The following SCN9A variants were observed in gnomAD, a reference collection of about 807,000 sequenced individuals.
The protein encoded by SCN9A is sodium voltage-gated channel alpha subunit 9.
SCN9A carries 131 observed loss-of-function variants against 187.0 expected under a neutral mutation model. The ratio of observed to expected loss-of-function variants is 0.70; its 90% CI spans 0.61 to 0.81. SCN9A has a LOEUF of 0.81. SCN9A is among the 30% of genes least tolerant of loss of function. SCN9A has a pLI of 0.00. For missense variants in SCN9A, 2,252 were observed against 2,396.6 expected, an observed-to-expected ratio of 0.94 and a Z score of 1.26; for synonymous variants, 809 against 808.6, an observed-to-expected ratio of 1.00 and a Z score of -0.01.
chr2:166,311,118 G>T (rs1157089992), intron 2 of SCN9A, among the ~76,000 whole-genome samples: 1 of 66,676 alleles, frequency 1.5e-5, no homozygotes, highest in Non-Finnish European at 2.7e-5. Flanking sequence ...GAGGGGGGAG[G>T]GATAGCATTG....
At chr2:166,255,106 AAAAG>A (rs920156966) in intron 17 of SCN9A, among the ~76,000 whole-genome samples, 3 of 142,020 alleles carry the variant, frequency 2.1e-5, no homozygotes, top group African/African-American at 7.9e-5. Context: ...GAGAGAGAGA[AAAAG>A]AGAGAGAGGA....
chr2:166,201,438 T>G (rs866349864), intron 26 of SCN9A, among the ~76,000 whole-genome samples: 1 of 133,288 alleles, frequency 7.5e-6, no homozygotes, highest in South Asian at 2.3e-4. Context: ...CTATATATAG[T>G]ATAGAGTATG....
intron 14 of SCN9A, 136 bp from the exon 15 acceptor site, chr2:166,278,449 C>T (rs1697335671): frequency 1.4e-6 from 1 of 714,936 alleles, no homozygotes. Flanking sequence ...ATATTCTTAT[C>T]TAACTTAGTC....
At position 166,280,490 on chromosome 2, in the gene SCN9A, A is replaced by G. The variant is rs779986478; in HGVS notation, c.2210T>C (p.Ile737Thr). 4 of 1,586,720 alleles carry G rather than the reference A, an allele frequency of 2.5e-6. No homozygotes were observed. The highest frequency in any genetic ancestry group is 2.3e-5 in the South Asian group (2 of 87,402). ...SPYWIKFKKCIYFIVMDPFVD... is the reference protein window; with the variant it reads ...SPYWIKFKKCTYFIVMDPFVD... ...AAAAGGATCCATTACAATAAAATAG[A>G]TACACTTTTTGAATTTTATCCAATA... is the stretch of plus-strand genomic sequence containing the variant. The change falls in exon 14 of 27, where the codon ATC (isoleucine) becomes ACC (threonine). Residue 737 changes from isoleucine to threonine, a missense_variant. Around this residue, in one of 7 missense-constraint regions of SCN9A, gnomAD observed 1,013 missense variants for 997.4 expected, o/e 1.02. Coordinates refer to ENST00000642356, the MANE Select transcript of SCN9A (RefSeq NM_001365536.1).
At chr2:166,235,285 T>C (rs1428126030) in intron 20 of SCN9A, among the ~76,000 whole-genome samples, 3 of 152,032 alleles carry the variant, frequency 2.0e-5, no homozygotes, top group Admixed American at 6.5e-5. Context: ...ATTAAGACTA[T>C]GGTATAGTTT....
chr2:166,212,196 T>A (rs539957691), intron 24 of SCN9A, among the ~76,000 whole-genome samples: 9 of 152,302 alleles, frequency 5.9e-5, no homozygotes, highest in African/African-American at 2.2e-4. Flanking sequence ...GATGCTTAAG[T>A]CCCACAGTCA....
In SCN9A at chr2:166,203,914, C is replaced by T. The variant is rs748440339; in HGVS notation, c.4774+41G>A. The T allele has an allele frequency of 4.7e-6, 6 of 1,272,754 alleles. 2 individuals carry two copies. The Middle Eastern group carries it at 1.1e-3, about 223-fold the overall frequency. 78.8% of individuals were successfully genotyped at this position (1,272,754 alleles called of 1,614,324 possible). A position where few individuals can be genotyped will look rare whatever the true frequency, so the allele number is the denominator to read the frequency against. On this transcript the variant is annotated intron_variant, in intron 26 of 26. Transcript: ENST00000642356. Reference sequence around the variant, plus strand: ...TTCCTTGAGCATAAGTGAAGTTTAGCTTTACTCAAAAAATAAAATCTGAAA... The same window carrying T: ...TTCCTTGAGCATAAGTGAAGTTTAGTTTTACTCAAAAAATAAAATCTGAAA...
chr2:166,211,936 A>T (rs974490999), intron 24 of SCN9A, among the ~76,000 whole-genome samples: 10 of 152,244 alleles, frequency 6.6e-5, no homozygotes, highest in Non-Finnish European at 1.3e-4. Flanking sequence ...GATTATTTCA[A>T]ATACAAATGG....
intron 24 of SCN9A, among the ~76,000 whole-genome samples, chr2:166,213,670 T>C (rs1209581026): frequency 6.6e-6 from 1 of 152,130 alleles, no homozygotes; most frequent in Non-Finnish European, 1.5e-5. Flanking sequence ...TATTCTCATA[T>C]CAAAGCCAGA....
At chr2:166,359,759 A>T (rs1302034404) in intron 1 of SCN9A, among the ~76,000 whole-genome samples, 1 of 94,734 alleles carries the variant, frequency 1.1e-5, no homozygotes, top group East Asian at 2.3e-4. Flanking sequence ...TTATATTCAG[A>T]CAACTGATAG....
At chr2:166,261,419 A>G (rs902568357) in intron 17 of SCN9A, among the ~76,000 whole-genome samples, 2 of 151,888 alleles carry the variant, frequency 1.3e-5, no homozygotes, top group African/African-American at 4.8e-5. Context: ...GATAGTCATT[A>G]CTTCTGCTTC....
chr2:166,199,742 G>A lies in SCN9A; in HGVS notation c.4897C>T (p.Leu1633=). Residue 1633 remains leucine (L), a synonymous_variant, in exon 27 of 27, where the codon CTG becomes TTG. Transcript: ENST00000642356. ...LVKGAKGIRT[L]LFALMMSLPA... is the part of the protein sequence containing the mutation. ...AGGGACATCATCAAAGCAAAGAGCA[G>A]CGTGCGGATCCCCTTTGCTCCTTTG... The A allele has an allele frequency of 6.2e-7, 1 of 1,614,112 alleles. No homozygotes were observed.
intron 1 of SCN9A, among the ~76,000 whole-genome samples, chr2:166,367,177 TC>T (rs1158922928): frequency 3.2e-4 from 49 of 152,352 alleles, no homozygotes; most frequent in East Asian, 7.7e-4. Flanking sequence ...TTCATACTTC[TC>T]CATCTGCTAG....
At chr2:166,372,989 C>G (rs952425536) in intron 1 of SCN9A, among the ~76,000 whole-genome samples, 1 of 152,120 alleles carries the variant, frequency 6.6e-6, no homozygotes, top group African/African-American at 2.4e-5. Context: ...GGACAACCTA[C>G]TTTTAACAAG....
chr2:166,273,104 A>G (rs1697076996), intron 16 of SCN9A, among the ~76,000 whole-genome samples: 1 of 152,086 alleles, frequency 6.6e-6, no homozygotes, highest in Admixed American at 6.6e-5. Context: ...GCAGAGGGTC[A>G]GCCATACCCA....
intron 1 of SCN9A, among the ~76,000 whole-genome samples, chr2:166,368,002 T>C (rs1350100279): frequency 1.3e-5 from 2 of 152,248 alleles, no homozygotes; most frequent in Admixed American, 1.3e-4. Flanking sequence ...TTAAACATAT[T>C]TGATAGAATG....
intron 1 of SCN9A, among the ~76,000 whole-genome samples, chr2:166,372,556 C>T (rs916509829): frequency 6.6e-6 from 1 of 152,048 alleles, no homozygotes; most frequent in African/African-American, 2.4e-5. Context: ...TATTTTAATA[C>T]ATTTGTGGTC....
chr2:166,222,942 C>CAAAAAAAAAAAAAAAAAA (rs1558960810), intron 24 of SCN9A, among the ~76,000 whole-genome samples: 1 of 55,294 alleles, frequency 1.8e-5, no homozygotes, highest in African/African-American at 8.0e-5. Flanking sequence ...AAAAAAAAAA[C>CAAAAAAAAAAAAAAAAAA]AACAAAAAAA....
chr2:166,232,750 TATAG>T (rs1273205397), intron 21 of SCN9A, among the ~76,000 whole-genome samples: 2,651 of 113,960 alleles, frequency 0.023, 68 homozygotes, highest in African/African-American at 0.074. Flanking sequence ...TATATATATA[TATAG>T]AGAGAGAGAG....
Sources: allele counts gnomAD v4.1 joint callset (sites outside exome capture counted in the v4.1 genomes callset), GRCh38; gene constraint gnomAD v4.1.1; regional missense constraint gnomAD v4.1.1; transcripts MANE v1.5; gene names NCBI Gene and HGNC (gene_info 2026-07-23, HGNC 2026-07-21).